ANKRD30B: variants seen among roughly 807,000 people sequenced by gnomAD.
ANKRD30B encodes ankyrin repeat domain-containing protein 30B.
In ANKRD30B, 144 loss-of-function variants were observed where a neutral mutation model predicts 202.2. The ratio of observed to expected loss-of-function variants is 0.71; its 90% CI spans 0.62 to 0.82. The LOEUF is 0.82. Ranked by LOEUF, ANKRD30B falls within the 40% of genes least tolerant of loss-of-function variation. ANKRD30B has a pLI of 0.00. For missense variants in ANKRD30B, 1,487 were observed against 1,669.1 expected (o/e 0.89, Z 1.90); for synonymous variants, 508 against 561.3 (o/e 0.91, Z 1.34).
intron 39 of ANKRD30B, among the ~76,000 whole-genome samples, chr18:14,846,852 T>C (rs1043152242): frequency 9.2e-5 from 14 of 151,704 alleles, no homozygotes; most frequent in African/African-American, 3.4e-4. Context: ...CAGGTAGATC[T>C]CACTTGTATA....
chr18:14,795,825 C>T (rs1968838045), intron 16 of ANKRD30B, among the ~76,000 whole-genome samples: 1 of 151,762 alleles, frequency 6.6e-6, no homozygotes, highest in South Asian at 2.1e-4. Flanking sequence ...AACAATATGC[C>T]ATAGCATTCT....
the ANKRD30B span, among the ~76,000 whole-genome samples, chr18:14,937,080 G>A: frequency 6.6e-6 from 1 of 152,136 alleles, no homozygotes; most frequent in African/African-American, 2.4e-5. Flanking sequence ...TCCATGACCT[G>A]GGAACATACT....
chr18:14,883,161 T>C, the ANKRD30B span, among the ~76,000 whole-genome samples: 4 of 152,072 alleles, frequency 2.6e-5, no homozygotes, highest in African/African-American at 9.7e-5. Context: ...AGGCATAGTT[T>C]CTGAAGAGGT....
At chr18:14,770,593 A>G (rs779595935) in intron 8 of ANKRD30B, among the ~76,000 whole-genome samples, 7 of 152,202 alleles carry the variant, frequency 4.6e-5, no homozygotes, top group East Asian at 3.9e-4. Context: ...AAAAGAAACA[A>G]TCCCAGGATT....
At chr18:14,807,267 A>T (rs1484973828) in intron 24 of ANKRD30B, among the ~76,000 whole-genome samples, 1 of 151,050 alleles carries the variant, frequency 6.6e-6, no homozygotes, top group South Asian at 2.1e-4. Flanking sequence ...TGAGGAAATG[A>T]GATATATTTC....
At chr18:14,768,570 A>G (rs1916611302) in intron 7 of ANKRD30B, among the ~76,000 whole-genome samples, 1 of 152,156 alleles carries the variant, frequency 6.6e-6, no homozygotes, top group African/African-American at 2.4e-5. Flanking sequence ...TAAATAGAGG[A>G]CAACTTGCTG....
At chr18:14,794,151 T>C (rs1236412241) in intron 16 of ANKRD30B, among the ~76,000 whole-genome samples, 2 of 152,118 alleles carry the variant, frequency 1.3e-5, no homozygotes, top group Non-Finnish European at 2.9e-5. Context: ...TGTCCTGATT[T>C]TAAAAAACTC....
At chr18:14,808,488 G>A (rs1282427225) in intron 24 of ANKRD30B, 63 bp from the exon 25 acceptor site, 5 of 1,323,398 alleles carry the variant, frequency 3.8e-6, no homozygotes, top group South Asian at 3.6e-5. Context: ...CACATTGTAC[G>A]AATGCTTGGT....
At chr18:14,890,146 C>T in the ANKRD30B span, 40 of 730,814 alleles carry the variant, frequency 5.5e-5, 1 homozygote, top group South Asian at 6.1e-4. Flanking sequence ...TGCCAATGAT[C>T]CATGAATGGC....
In ANKRD30B at chr18:14,763,829, A is replaced by T; in HGVS notation, c.964A>T (p.Lys322Ter). 2.5e-6 allele frequency: 4 copies of T among 1,613,688 alleles called. No individual in the cohort carries two copies. The highest frequency in any genetic ancestry group is 3.4e-6 in the Non-Finnish European group (4 of 1,179,794). ...GTSAKIQCLGKATSGKFEQST... is the reference protein window; with the variant it reads ...GTSAKIQCLG Reference sequence around the variant, plus strand: ...GTCTGCCAAAATTCAATGTCTGGGGAAAGCAACATCTGGAAAGTTTGAACA... The same window carrying T: ...GTCTGCCAAAATTCAATGTCTGGGGTAAGCAACATCTGGAAAGTTTGAACA... The change falls in exon 7 of 44, where the codon AAA becomes TAA. Residue 322 changes from lysine (K) to a stop codon, truncating the protein, a stop_gained. Coordinates refer to ENST00000690538, the MANE Select transcript of ANKRD30B (RefSeq NM_001367607.2). LOFTEE classifies it high-confidence loss of function.
At chr18:14,894,554 A>C in the ANKRD30B span, among the ~76,000 whole-genome samples, 1 of 151,626 alleles carries the variant, frequency 6.6e-6, no homozygotes, top group South Asian at 2.1e-4. Flanking sequence ...TTCAAGTTGC[A>C]AAAAAAAGTG....
intron 9 of ANKRD30B, among the ~76,000 whole-genome samples, chr18:14,775,552 G>T (rs1229469602): frequency 1.3e-5 from 2 of 152,138 alleles, no homozygotes; most frequent in East Asian, 3.9e-4. Context: ...TTCTGGAGTT[G>T]GATAAACATG....
chr18:14,939,397 G>T, the ANKRD30B span, among the ~76,000 whole-genome samples: 1 of 152,158 alleles, frequency 6.6e-6, no homozygotes, highest in Non-Finnish European at 1.5e-5. Context: ...CACACCCAAG[G>T]TCCCTGTCCC....
At chr18:14,767,910 A>G (rs1475954883) in intron 7 of ANKRD30B, among the ~76,000 whole-genome samples, 1 of 152,218 alleles carries the variant, frequency 6.6e-6, no homozygotes, top group Non-Finnish European at 1.5e-5. Flanking sequence ...AACCATGGAT[A>G]TTATATTGTG....
chr18:14,789,531 G>A lies in ANKRD30B; in HGVS notation c.1735-1870G>A, dbSNP rs1051997489. Reference sequence around the variant, plus strand: ...GGGTTTTTATGGTTTTAAGTCTAACGTTTAAGTCTTTAATCCATCTTGAAT... The same window carrying A: ...GGGTTTTTATGGTTTTAAGTCTAACATTTAAGTCTTTAATCCATCTTGAAT... On this transcript the variant is annotated intron_variant, in intron 15 of 43. Transcript: ENST00000690538. 2.2e-4 allele frequency among the ~76,000 whole-genome samples: 34 copies of A among 152,100 alleles called. 1 individual carries two copies. Among genetic ancestry groups the A allele is most frequent in the African/African-American group, 6.3e-4 (26 of 41,422 alleles).
chr18:14,850,894 G>A (rs1188233949), intron 41 of ANKRD30B, among the ~76,000 whole-genome samples: 5 of 151,760 alleles, frequency 3.3e-5, no homozygotes, highest in African/African-American at 1.2e-4. Context: ...CAGAAGACTT[G>A]GAGAAAATCC....
chr18:14,773,406 T>C (rs1159793852), intron 9 of ANKRD30B, among the ~76,000 whole-genome samples: 1 of 152,158 alleles, frequency 6.6e-6, no homozygotes, highest in Non-Finnish European at 1.5e-5. Context: ...GACAAATGAA[T>C]TTTTATATAA....
Position 14,799,216 on chromosome 18 carries a change from C to CAAA in ANKRD30B, c.2059-6_2059-5insAAA. 1.3e-6 allele frequency: 2 copies of CAAA among 1,580,236 alleles called. No individual in the cohort carries two copies. The highest frequency in any genetic ancestry group is 2.3e-5 in the South Asian group (2 of 87,040). ...ATGTTAATTTTTGTGTTTCCAAACC[C>CAAA]ATTTAGCCTACCTGTGGAAGGAAAG... On this transcript the variant is annotated splice_region_variant and splice_polypyrimidine_tract_variant and intron_variant, in intron 21 of 43. Transcript: ENST00000690538.
intron 14 of ANKRD30B, 72 bp downstream of exon 14, chr18:14,784,607 C>T: frequency 1.4e-6 from 2 of 1,461,792 alleles, no homozygotes; most frequent in Non-Finnish European, 1.9e-6. Flanking sequence ...TTTCTATCCC[C>T]AATGATTTAT....
Sources: allele counts gnomAD v4.1 joint callset (sites outside exome capture counted in the v4.1 genomes callset), GRCh38; gene constraint gnomAD v4.1.1; transcripts MANE v1.5; gene names NCBI Gene and HGNC (gene_info 2026-07-23, HGNC 2026-07-21).